Variants in DPP10 observed in about 807,000 individuals in gnomAD.
DPP10 encodes the protein dipeptidyl peptidase like 10, also known as inactive dipeptidyl peptidase 10.
In DPP10, 33 loss-of-function variants were observed where a neutral mutation model predicts 120.9. The ratio of observed to expected loss-of-function variants is 0.27; its 90% CI spans 0.21 to 0.37. DPP10 has a LOEUF of 0.37. Ranked by LOEUF, DPP10 falls within the 10% of genes least tolerant of loss-of-function variation. The pLI, the probability that DPP10 is intolerant of heterozygous loss-of-function variation, is 1.00. For missense variants in DPP10, 816 were observed against 942.8 expected (o/e 0.87, Z 1.76); for synonymous variants, 337 against 326.1 (o/e 1.03, Z -0.36).
At chr2:115,559,388 G>A (rs1220128989) in intron 5 of DPP10, among the ~76,000 whole-genome samples, 2 of 152,114 alleles carry the variant, frequency 1.3e-5, no homozygotes, top group Non-Finnish European at 2.9e-5. Flanking sequence ...GTAATTGTCA[G>A]TATCCTGAAA....
intron 1 of DPP10, among the ~76,000 whole-genome samples, chr2:114,518,333 C>T (rs952630164): frequency 5.6e-4 from 85 of 152,252 alleles, no homozygotes; most frequent in African/African-American, 1.8e-3. Flanking sequence ...CTGCCTCGGC[C>T]TCCCAACGTG....
At chr2:115,698,571 C>T (rs907863780) in intron 7 of DPP10, among the ~76,000 whole-genome samples, 5 of 152,164 alleles carry the variant, frequency 3.3e-5, no homozygotes, top group Non-Finnish European at 7.4e-5. Flanking sequence ...ATCTCTCACT[C>T]TTTCTCTTGC....
chr2:115,192,354 G>A (rs1393601198), intron 1 of DPP10, among the ~76,000 whole-genome samples: 1 of 152,198 alleles, frequency 6.6e-6, no homozygotes, highest in Non-Finnish European at 1.5e-5. Flanking sequence ...CCTTAAGCCT[G>A]GACTCCTTCC....
chr2:115,605,581 G>C (rs2083651360), intron 5 of DPP10, among the ~76,000 whole-genome samples: 2 of 152,036 alleles, frequency 1.3e-5, no homozygotes, highest in Admixed American at 1.3e-4. Context: ...CTACAGATAA[G>C]AGGGGTGGAA....
At chr2:114,579,695 C>A (rs539039761) in intron 1 of DPP10, among the ~76,000 whole-genome samples, 1 of 152,106 alleles carries the variant, frequency 6.6e-6, no homozygotes. Context: ...TAAATCTCGT[C>A]GGAGAGAAGG....
At chr2:114,842,234 T>A (rs1025225498) in intron 1 of DPP10, among the ~76,000 whole-genome samples, 1 of 152,070 alleles carries the variant, frequency 6.6e-6, no homozygotes. Context: ...TTATGTCTTA[T>A]CTACATGTGA....
intron 1 of DPP10, among the ~76,000 whole-genome samples, chr2:114,683,504 T>TCCTTCCCTCTCCCTTC (rs1198420295): frequency 2.8e-4 from 42 of 149,904 alleles, no homozygotes; most frequent in African/African-American, 9.8e-4. Context: ...CCCTTCCCTT[T>TCCTTCCCTCTCCCTTC]CCTTCCCTCT....
chr2:114,946,977 T>C (rs1454526868), intron 1 of DPP10, among the ~76,000 whole-genome samples: 1 of 152,134 alleles, frequency 6.6e-6, no homozygotes, highest in Non-Finnish European at 1.5e-5. Context: ...TATCTAGAAA[T>C]ATTTACATGT....
At chr2:115,746,971 G>GA (rs752476284) in intron 10 of DPP10, among the ~76,000 whole-genome samples, 6 of 152,268 alleles carry the variant, frequency 3.9e-5, no homozygotes, top group Admixed American at 2.0e-4. Flanking sequence ...GGTTCCCACA[G>GA]AAATTTCATT....
intron 5 of DPP10, among the ~76,000 whole-genome samples, chr2:115,536,929 T>G (rs2148945504): frequency 6.6e-6 from 1 of 152,204 alleles, no homozygotes; most frequent in East Asian, 1.9e-4. Context: ...ATGAGTAGAA[T>G]TAGCAAGCGA....
chr2:115,054,642 A>G (rs1705757472), intron 1 of DPP10, among the ~76,000 whole-genome samples: 1 of 152,140 alleles, frequency 6.6e-6, no homozygotes, highest in South Asian at 2.1e-4. Flanking sequence ...GCCCAGGGCG[A>G]CGGCTCATGC....
intron 1 of DPP10, among the ~76,000 whole-genome samples, chr2:115,000,698 G>A (rs1481119533): frequency 6.6e-6 from 1 of 152,050 alleles, no homozygotes; most frequent in Non-Finnish European, 1.5e-5. Context: ...ACATACAATA[G>A]CGCTATAAAA....
intron 3 of DPP10, among the ~76,000 whole-genome samples, chr2:115,381,795 T>A (rs1331821248): frequency 2.0e-5 from 3 of 152,008 alleles, no homozygotes; most frequent in African/African-American, 7.2e-5. Context: ...GCTGCAGGTC[T>A]GTTGGAGTAC....
intron 3 of DPP10, among the ~76,000 whole-genome samples, chr2:115,408,650 G>T (rs2068709795): frequency 6.6e-6 from 1 of 151,970 alleles, no homozygotes; most frequent in South Asian, 2.1e-4. Context: ...ATTCTATTAG[G>T]AATCAACAAC....
At chr2:115,250,176 T>G (rs981426768) in intron 1 of DPP10, among the ~76,000 whole-genome samples, 4 of 152,206 alleles carry the variant, frequency 2.6e-5, no homozygotes, top group Non-Finnish European at 5.9e-5. Flanking sequence ...TCATATAAAC[T>G]TTCCTGGCAG....
chr2:114,753,866 G>A lies in DPP10; in HGVS notation c.60+311028G>A, dbSNP rs139523264. Among the ~76,000 whole-genome samples the A allele has an allele frequency of 1.4e-4, 19 of 132,436 alleles. No homozygotes were observed. In the East Asian group the frequency reaches 3.1e-3, roughly 22 times the overall value. The allele number at this position is 132,436 out of a possible 152,430, so 86.9% of individuals were successfully genotyped here. On this transcript the variant is annotated intron_variant, in intron 1 of 25. Coordinates refer to ENST00000410059, the MANE Select transcript of DPP10 (RefSeq NM_020868.6). ...GGAGCTTGCAGTGAGCCCAGATGGC[G>A]CCACTGAACTCCAGCCTGGGTGACA...
intron 3 of DPP10, among the ~76,000 whole-genome samples, chr2:115,388,085 G>A (rs2067075396): frequency 6.6e-6 from 1 of 152,138 alleles, no homozygotes; most frequent in Non-Finnish European, 1.5e-5. Context: ...TTCTATGAAA[G>A]CCAAATTATA....
At chr2:115,042,159 A>G (rs1181206986) in intron 1 of DPP10, among the ~76,000 whole-genome samples, 4 of 152,228 alleles carry the variant, frequency 2.6e-5, no homozygotes, top group African/African-American at 7.2e-5. Flanking sequence ...GATAAAACAA[A>G]GCCAGTTTCA....
intron 1 of DPP10, among the ~76,000 whole-genome samples, chr2:114,992,592 T>C (rs1263126490): frequency 6.6e-6 from 1 of 152,184 alleles, no homozygotes; most frequent in African/African-American, 2.4e-5. Flanking sequence ...GACTGCCCTC[T>C]CCACTCCCCA....
Sources: gnomAD v4.1 joint callset for allele counts (sites outside exome capture counted in the v4.1 genomes callset) on GRCh38, gnomAD v4.1.1 for gene constraint, MANE v1.5 for transcripts, NCBI Gene and HGNC (gene_info 2026-07-23, HGNC 2026-07-21) for gene names.